CNTNAP5: variants seen among roughly 807,000 people sequenced by gnomAD.
CNTNAP5 encodes contactin associated protein family member 5.
In CNTNAP5, 72 loss-of-function variants were observed where a neutral mutation model predicts 150.2. The observed-to-expected ratio is 0.48, with a 90% CI of 0.40 to 0.58. The LOEUF is 0.58. Among genes scored for constraint, CNTNAP5 ranks in the 20% least tolerant of loss-of-function variants. The pLI, the probability that CNTNAP5 is intolerant of heterozygous loss-of-function variation, is 0.00. For missense variants in CNTNAP5, 1,636 were observed against 1,626.2 expected (o/e 1.01, Z -0.10); for synonymous variants, 672 against 619.8 (o/e 1.08, Z -1.25).
At chr2:124,095,279 G>A (rs1682907112) in intron 1 of CNTNAP5, among the ~76,000 whole-genome samples, 1 of 152,192 alleles carries the variant, frequency 6.6e-6, no homozygotes, top group Non-Finnish European at 1.5e-5. Flanking sequence ...TCAGTCATAA[G>A]CGGGAGTTGA....
intron 2 of CNTNAP5, among the ~76,000 whole-genome samples, chr2:124,225,366 C>T (rs576984978): frequency 7.2e-5 from 11 of 152,240 alleles, no homozygotes; most frequent in African/African-American, 2.4e-4. Flanking sequence ...CTGTGTAGTG[C>T]TATTGGCCAA....
At chr2:124,558,774 A>G (rs111279513) in intron 10 of CNTNAP5, among the ~76,000 whole-genome samples, 5 of 152,292 alleles carry the variant, frequency 3.3e-5, no homozygotes, top group South Asian at 4.1e-4. Flanking sequence ...CAGAGAAATA[A>G]CCACTCTGAT....
intron 1 of CNTNAP5, among the ~76,000 whole-genome samples, chr2:124,082,525 G>A (rs1433257085): frequency 1.3e-5 from 2 of 151,992 alleles, no homozygotes; most frequent in Non-Finnish European, 2.9e-5. Flanking sequence ...TCTGTGGTGT[G>A]GATGTACCAC....
chr2:124,388,744 A>G (rs916561309), intron 3 of CNTNAP5, among the ~76,000 whole-genome samples: 1 of 151,726 alleles, frequency 6.6e-6, no homozygotes, highest in African/African-American at 2.4e-5. Flanking sequence ...GCCCGGAGTG[A>G]GACTCCACTG....
chr2:124,540,704 T>A (rs189745978), intron 10 of CNTNAP5, among the ~76,000 whole-genome samples: 1 of 151,134 alleles, frequency 6.6e-6, no homozygotes, highest in Non-Finnish European at 1.5e-5. Flanking sequence ...TCATTCATTC[T>A]TTCATCTCTT....
At chr2:124,220,153 A>T (rs1344092370) in intron 1 of CNTNAP5, among the ~76,000 whole-genome samples, 1 of 152,084 alleles carries the variant, frequency 6.6e-6, no homozygotes, top group South Asian at 2.1e-4. Flanking sequence ...TTTAAAAAAA[A>T]AAATAAATCA....
intron 3 of CNTNAP5, among the ~76,000 whole-genome samples, chr2:124,321,253 C>T (rs1689092344): frequency 6.6e-6 from 1 of 151,994 alleles, no homozygotes; most frequent in Admixed American, 6.6e-5. Context: ...ACCAGCCTGA[C>T]CAAGGTGGAG....
At chr2:124,418,288 C>T (rs1325650171) in intron 4 of CNTNAP5, among the ~76,000 whole-genome samples, 2 of 152,124 alleles carry the variant, frequency 1.3e-5, no homozygotes, top group South Asian at 4.1e-4. Flanking sequence ...TGCTAAAATT[C>T]AATGACCCCT....
intron 1 of CNTNAP5, among the ~76,000 whole-genome samples, chr2:124,132,513 GACA>G (rs1683875024): frequency 2.0e-5 from 3 of 152,118 alleles, no homozygotes; most frequent in East Asian, 3.8e-4. Context: ...AATTTTGTGA[GACA>G]ACGAGGATCA....
intron 13 of CNTNAP5, among the ~76,000 whole-genome samples, chr2:124,725,708 A>G (rs966586847): frequency 6.6e-6 from 1 of 151,960 alleles, no homozygotes; most frequent in African/African-American, 2.4e-5. Flanking sequence ...TTCGAACGAC[A>G]TGTCTCTACT....
chr2:124,578,905 T>C (rs1219761161), intron 11 of CNTNAP5, among the ~76,000 whole-genome samples: 1 of 152,260 alleles, frequency 6.6e-6, no homozygotes, highest in South Asian at 2.1e-4. Context: ...TTTTTCAATT[T>C]TTTTTTCTTT....
chr2:124,555,774 C>A (rs2104922587), intron 10 of CNTNAP5, among the ~76,000 whole-genome samples: 1 of 152,286 alleles, frequency 6.6e-6, no homozygotes, highest in East Asian at 1.9e-4. Context: ...AGGGCAGGGG[C>A]AAAGGCTGTC....
intron 12 of CNTNAP5, among the ~76,000 whole-genome samples, chr2:124,627,646 CA>C (rs550086178): frequency 7.3e-4 from 111 of 152,040 alleles, no homozygotes; most frequent in Middle Eastern, 3.4e-3. Flanking sequence ...TCCCAAAAGT[CA>C]AAATGCCTCT....
chr2:124,639,817 G>T (rs958491554), intron 12 of CNTNAP5, among the ~76,000 whole-genome samples: 3 of 152,098 alleles, frequency 2.0e-5, no homozygotes, highest in African/African-American at 7.2e-5. Flanking sequence ...CTTATCAACA[G>T]CCTCACAGTC....
intron 2 of CNTNAP5, among the ~76,000 whole-genome samples, chr2:124,227,406 T>TAC (rs1220953701): frequency 6.6e-6 from 1 of 152,096 alleles, no homozygotes; most frequent in Middle Eastern, 3.2e-3. Context: ...CACCAGATTT[T>TAC]ACACACACAC....
intron 4 of CNTNAP5, among the ~76,000 whole-genome samples, chr2:124,425,316 T>C (rs568679765): frequency 1.1e-4 from 17 of 152,362 alleles, no homozygotes; most frequent in Middle Eastern, 3.4e-3. Context: ...CTATCGTCTC[T>C]AATTTTGACA....
chr2:124,707,122 G>T (rs1474613158), intron 13 of CNTNAP5, among the ~76,000 whole-genome samples: 1 of 66,836 alleles, frequency 1.5e-5, no homozygotes, highest in Non-Finnish European at 3.2e-5. Flanking sequence ...GGAAGAAGAA[G>T]AAAGAAGAAG....
chr2:124,134,232 C>G (rs574827976), intron 1 of CNTNAP5, among the ~76,000 whole-genome samples: 1 of 152,052 alleles, frequency 6.6e-6, no homozygotes. Context: ...TTGCCTAATC[C>G]TACCCTCATT....
At chr2:124,543,783 T>C (rs1346917591) in intron 10 of CNTNAP5, among the ~76,000 whole-genome samples, 1 of 152,170 alleles carries the variant, frequency 6.6e-6, no homozygotes, top group Non-Finnish European at 1.5e-5. Flanking sequence ...GAGAGTTGCT[T>C]CCAACTTTTG....
Sources: gnomAD v4.1 joint callset for allele counts (sites outside exome capture counted in the v4.1 genomes callset) on GRCh38, gnomAD v4.1.1 for gene constraint, MANE v1.5 for transcripts, NCBI Gene and HGNC (gene_info 2026-07-23, HGNC 2026-07-21) for gene names.